Variants in CA10 observed in about 807,000 individuals in gnomAD.
The protein encoded by CA10 is carbonic anhydrase 10 (inactive), also known as carbonic anhydrase-related protein 10.
In CA10, 14 loss-of-function variants were observed where a neutral mutation model predicts 44.2. That is an observed-to-expected ratio of 0.32 (90% CI 0.21 to 0.50). The LOEUF is 0.50. CA10 is among the 20% of genes least tolerant of loss of function. CA10 has a pLI of 0.99. For missense variants in CA10, 350 were observed against 409.7 expected (o/e 0.85, Z 1.26); for synonymous variants, 159 against 141.6 (o/e 1.12, Z -0.87).
intron 3 of CA10, among the ~76,000 whole-genome samples, chr17:51,849,237 A>ATACATATATGTGTG (rs1567860491): frequency 1.3e-4 from 14 of 109,676 alleles, no homozygotes; most frequent in African/African-American, 4.7e-4. Context: ...GTGTGTGTAT[A>ATACATATATGTGTG]TATATATATA....
intron 2 of CA10, among the ~76,000 whole-genome samples, chr17:52,068,244 G>C (rs1462747017): frequency 1.3e-5 from 2 of 152,160 alleles, no homozygotes. Flanking sequence ...AAGGTCTGAT[G>C]GTTTTGTAAG....
At chr17:51,878,309 A>G (rs1056114841) in intron 3 of CA10, among the ~76,000 whole-genome samples, 16 of 152,106 alleles carry the variant, frequency 1.1e-4, no homozygotes, top group Non-Finnish European at 4.4e-5. Flanking sequence ...AGTTCTCCAT[A>G]TAATTCTGAT....
At chr17:52,145,805 A>G (rs1989570193) in intron 1 of CA10, among the ~76,000 whole-genome samples, 1 of 152,228 alleles carries the variant, frequency 6.6e-6, no homozygotes, top group South Asian at 2.1e-4. Flanking sequence ...AGAGCCTCAT[A>G]AACAGGTTAT....
At chr17:51,734,289 T>C (rs1174213970) in intron 4 of CA10, among the ~76,000 whole-genome samples, 1 of 152,096 alleles carries the variant, frequency 6.6e-6, no homozygotes, top group Non-Finnish European at 1.5e-5. Flanking sequence ...GATGGCAAAC[T>C]TGTGCAAGAA....
intron 4 of CA10, among the ~76,000 whole-genome samples, chr17:51,732,077 T>A (rs962887585): frequency 7.2e-5 from 11 of 152,212 alleles, no homozygotes; most frequent in African/African-American, 2.7e-4. Flanking sequence ...AGATAACTTA[T>A]CAGAAGGCAC....
At chr17:51,912,472 C>A (rs8082027) in intron 3 of CA10, among the ~76,000 whole-genome samples, 23,694 of 152,076 alleles carry the variant, frequency 0.16, 2,027 homozygotes, top group South Asian at 0.3. Context: ...CAGTCACTAC[C>A]AAGCAAATGG....
intron 4 of CA10, among the ~76,000 whole-genome samples, chr17:51,696,811 G>A (rs1915418516): frequency 6.6e-6 from 1 of 152,112 alleles, no homozygotes; most frequent in Non-Finnish European, 1.5e-5. Context: ...TCAATGAATT[G>A]TTGGACCTCT....
chr17:51,717,287 T>G (rs1916141935), intron 4 of CA10, among the ~76,000 whole-genome samples: 1 of 152,044 alleles, frequency 6.6e-6, no homozygotes, highest in Non-Finnish European at 1.5e-5. Context: ...TAGGAGCATC[T>G]TTTGTTCTAA....
chr17:51,807,844 C>T (rs370400318), intron 3 of CA10, among the ~76,000 whole-genome samples: 16 of 152,188 alleles, frequency 1.1e-4, no homozygotes, highest in African/African-American at 3.6e-4. Flanking sequence ...ATAGTGCCAG[C>T]GGCTATGGCT....
At chr17:52,155,206 G>A (rs963022809) in intron 1 of CA10, among the ~76,000 whole-genome samples, 6 of 152,184 alleles carry the variant, frequency 3.9e-5, no homozygotes, top group African/African-American at 1.4e-4. Flanking sequence ...AACTCTGTAA[G>A]GATTAGCACC....
chr17:51,953,653 C>A (rs1224094691), intron 2 of CA10, among the ~76,000 whole-genome samples: 1 of 151,994 alleles, frequency 6.6e-6, no homozygotes, highest in Non-Finnish European at 1.5e-5. Context: ...ACAAAAGGAG[C>A]ACTGTGTATA....
At chr17:51,757,858 C>G (rs1243573163) in intron 3 of CA10, among the ~76,000 whole-genome samples, 1 of 151,084 alleles carries the variant, frequency 6.6e-6, no homozygotes, top group African/African-American at 2.5e-5. Flanking sequence ...TAGGAGTAGG[C>G]CTTTTTTTTT....
At chr17:51,744,496 C>T (rs1489224649) in intron 4 of CA10, among the ~76,000 whole-genome samples, 15 of 151,504 alleles carry the variant, frequency 9.9e-5, no homozygotes. Flanking sequence ...AATCCTAGCA[C>T]TTTGTGGGGG....
intron 2 of CA10, among the ~76,000 whole-genome samples, chr17:51,995,233 C>A (rs1236926123): frequency 6.6e-6 from 1 of 151,856 alleles, no homozygotes; most frequent in East Asian, 1.9e-4. Flanking sequence ...TTGGTACAAA[C>A]AAAACAACCA....
chr17:51,840,172 C>G (rs568674334), intron 3 of CA10, among the ~76,000 whole-genome samples: 1 of 152,274 alleles, frequency 6.6e-6, no homozygotes, highest in South Asian at 2.1e-4. Flanking sequence ...GCCCACCTCA[C>G]TGGTGAGGCA....
At chr17:51,931,704 T>A (rs752998915) in intron 2 of CA10, among the ~76,000 whole-genome samples, 1 of 152,144 alleles carries the variant, frequency 6.6e-6, no homozygotes, top group Non-Finnish European at 1.5e-5. Context: ...CAACACTGTG[T>A]CATTAACCTA....
intron 1 of CA10, among the ~76,000 whole-genome samples, chr17:52,073,412 C>A (rs1001294844): frequency 2.0e-5 from 3 of 152,206 alleles, no homozygotes; most frequent in Admixed American, 2.0e-4. Context: ...CAAGTCTCTT[C>A]TTATAGTATA....
intron 2 of CA10, among the ~76,000 whole-genome samples, chr17:52,032,447 G>T (rs1986496696): frequency 6.6e-6 from 1 of 152,106 alleles, no homozygotes; most frequent in African/African-American, 2.4e-5. Flanking sequence ...ATTATCTCAT[G>T]AAACTTCACT....
chr17:51,686,073 T>G (rs979002932), intron 4 of CA10, among the ~76,000 whole-genome samples: 2 of 142,306 alleles, frequency 1.4e-5, no homozygotes, highest in African/African-American at 5.7e-5. Context: ...TGGAGATAAT[T>G]GAATCATGGG....
Sources: gnomAD v4.1 joint callset for allele counts (sites outside exome capture counted in the v4.1 genomes callset) on GRCh38, gnomAD v4.1.1 for gene constraint, MANE v1.5 for transcripts, NCBI Gene and HGNC (gene_info 2026-07-23, HGNC 2026-07-21) for gene names.